PDE10A: variants seen among roughly 807,000 people sequenced by gnomAD.
The protein encoded by PDE10A is phosphodiesterase 10A, also known as cAMP and cAMP-inhibited cGMP 3',5'-cyclic phosphodiesterase 10A.
Under a neutral mutation model 97.7 loss-of-function variants are expected in PDE10A, and 39 were observed. That is an observed-to-expected ratio of 0.40 (90% CI 0.31 to 0.52). The LOEUF is 0.52. PDE10A is among the 20% of genes least tolerant of loss of function. The probability of loss-of-function intolerance (pLI) is 0.56; values close to 1 mark genes in which losing one functional copy is unlikely to be tolerated. For missense variants in PDE10A, 731 were observed against 1,047.8 expected (o/e 0.70, Z 4.17); for synonymous variants, 371 against 376.8 (o/e 0.98, Z 0.18).
In PDE10A at chr6:165,662,640, G is replaced by C. The variant is rs1479258757; in HGVS notation, c.172C>G (p.Arg58Gly). 7.0e-6 allele frequency: 1 copy of C among 141,858 alleles called. No homozygotes were observed. The highest frequency in any genetic ancestry group is 2.1e-4 in the South Asian group (1 of 4,652). 8.8% of individuals were successfully genotyped at this position (141,858 alleles called of 1,614,324 possible). A position where few individuals can be genotyped will look rare whatever the true frequency, so the allele number is the denominator to read the frequency against. The stretch of plus-strand genomic sequence containing the variant: ...CGCGGGGGCGCGGCGCGCTCCGCCC[G>C]GCCACGGCCAGGCCACTCGGGGGCC... ...GPAPEWPGRG[R>G]AERAAPPRPP... is the part of the protein sequence containing the mutation. Residue 58 changes from arginine (R) to glycine (G), a missense_variant, in exon 1 of 22, where the codon CGG (arginine) becomes GGG (glycine). Transcript: ENST00000539869.
intron 13 of PDE10A, among the ~76,000 whole-genome samples, chr6:165,411,229 A>G (rs220754): frequency 0.27 from 40,240 of 151,304 alleles, 6,371 homozygotes; most frequent in African/African-American, 0.43. Flanking sequence ...TGAGATAACA[A>G]CACAGTACTT....
chr6:165,349,995 C>A (rs1257219990), intron 18 of PDE10A, among the ~76,000 whole-genome samples: 3 of 152,192 alleles, frequency 2.0e-5, no homozygotes, highest in Admixed American at 2.0e-4. Context: ...TCATGGAGAA[C>A]CCTGCTAGGG....
chr6:165,537,157 G>A (rs1315258625), intron 2 of PDE10A, among the ~76,000 whole-genome samples: 1 of 151,906 alleles, frequency 6.6e-6, no homozygotes, highest in Non-Finnish European at 1.5e-5. Flanking sequence ...TGGAACTAGA[G>A]TCCATTAAGT....
intron 1 of PDE10A, among the ~76,000 whole-genome samples, chr6:165,576,944 G>T (rs1330099749): frequency 6.6e-6 from 1 of 152,202 alleles, no homozygotes; most frequent in Non-Finnish European, 1.5e-5. Flanking sequence ...TTCCCTGAAA[G>T]TCATTAGTTT....
chr6:165,943,230 A>AAGGAAGGAAG (rs1562809788), intron 1 of PDE10A, among the ~76,000 whole-genome samples: 8 of 40,168 alleles, frequency 2.0e-4, no homozygotes, highest in African/African-American at 7.1e-4. Context: ...AAAGAAAGAA[A>AAGGAAGGAAG]GAAAGAAGGA....
chr6:165,630,638 C>A (rs75872110), intron 1 of PDE10A, among the ~76,000 whole-genome samples: 1,738 of 152,202 alleles, frequency 0.011, 31 homozygotes, highest in African/African-American at 0.04. Flanking sequence ...TTCTGACCAC[C>A]ATGGCTTATG....
At chr6:165,443,998 G>T (rs1264159580) in intron 5 of PDE10A, among the ~76,000 whole-genome samples, 1 of 152,156 alleles carries the variant, frequency 6.6e-6, no homozygotes, top group African/African-American at 2.4e-5. Flanking sequence ...CAGAAAATCG[G>T]TTTGTCCTTT....
chr6:165,943,323 G>A (rs1369495553), intron 1 of PDE10A, among the ~76,000 whole-genome samples: 2 of 118,436 alleles, frequency 1.7e-5, no homozygotes, highest in African/African-American at 3.9e-5. Context: ...AGGAAGGAAA[G>A]AAAGAAAAAG....
At chr6:165,352,536 T>C (rs1197981988) in intron 18 of PDE10A, among the ~76,000 whole-genome samples, 8 of 151,884 alleles carry the variant, frequency 5.3e-5, no homozygotes, top group Non-Finnish European at 1.2e-4. Context: ...ATTAAAAGTA[T>C]AAAACCAATG....
chr6:165,530,334 C>T (rs1782699946), intron 2 of PDE10A, among the ~76,000 whole-genome samples: 1 of 151,144 alleles, frequency 6.6e-6, no homozygotes. Context: ...CCTCTAGAGA[C>T]CCCTGAAACA....
At chr6:165,389,571 G>C (rs1471526132) in intron 16 of PDE10A, among the ~76,000 whole-genome samples, 1 of 152,208 alleles carries the variant, frequency 6.6e-6, no homozygotes, top group Non-Finnish European at 1.5e-5. Flanking sequence ...GAATGGGTTT[G>C]AGGAGGGAGG....
chr6:165,942,587 G>A (rs550822835), intron 1 of PDE10A, among the ~76,000 whole-genome samples: 19 of 152,212 alleles, frequency 1.2e-4, no homozygotes, highest in Admixed American at 5.9e-4. Context: ...GCTCTGCCCC[G>A]CTCTCGGGCC....
chr6:165,811,366 G>A (rs1289442113), intron 1 of PDE10A, among the ~76,000 whole-genome samples: 1 of 152,198 alleles, frequency 6.6e-6, no homozygotes, highest in Non-Finnish European at 1.5e-5. Flanking sequence ...CAGTCCTCAT[G>A]CAGGCCACGC....
chr6:165,686,299 G>A (rs992246086), intron 1 of PDE10A, among the ~76,000 whole-genome samples: 1 of 152,140 alleles, frequency 6.6e-6, no homozygotes, highest in Non-Finnish European at 1.5e-5. Context: ...TTGTGCTGGG[G>A]AATTGTGGGT....
intron 3 of PDE10A, among the ~76,000 whole-genome samples, chr6:165,465,643 G>C (rs1019470215): frequency 6.6e-6 from 1 of 152,188 alleles, no homozygotes; most frequent in Non-Finnish European, 1.5e-5. Context: ...ATAGTGGAAG[G>C]TACCACGTCA....
chr6:165,614,214 C>T (rs777550974), intron 1 of PDE10A, among the ~76,000 whole-genome samples: 15 of 152,190 alleles, frequency 9.9e-5, no homozygotes, highest in African/African-American at 3.6e-4. Context: ...CTATTTCTAA[C>T]GGCCAAAGTA....
intron 1 of PDE10A, among the ~76,000 whole-genome samples, chr6:165,788,466 C>T (rs909788609): frequency 2.2e-4 from 27 of 124,942 alleles, no homozygotes; most frequent in Admixed American, 5.2e-4. Flanking sequence ...TGCCATGAGC[C>T]GAGATCACAC....
intron 1 of PDE10A, among the ~76,000 whole-genome samples, chr6:165,561,805 C>CT (rs1250873663): frequency 6.6e-6 from 1 of 152,092 alleles, no homozygotes; most frequent in Admixed American, 6.5e-5. Context: ...TCATTGCTGG[C>CT]TTGAAAATGA....
At chr6:165,866,268 G>T (rs1400027025) in intron 1 of PDE10A, among the ~76,000 whole-genome samples, 1 of 151,962 alleles carries the variant, frequency 6.6e-6, no homozygotes, top group Non-Finnish European at 1.5e-5. Flanking sequence ...ATCAGGATGT[G>T]TAAAACAAAG....
Sources: allele counts gnomAD v4.1 joint callset (sites outside exome capture counted in the v4.1 genomes callset), GRCh38; gene constraint gnomAD v4.1.1; transcripts MANE v1.5; gene names NCBI Gene and HGNC (gene_info 2026-07-23, HGNC 2026-07-21).